Variants in AFF1 observed in about 807,000 individuals in gnomAD.
AFF1 encodes ALF transcription elongation factor 1, also known as AF4/FMR2 family member 1.
In AFF1, 48 loss-of-function variants were observed where a neutral mutation model predicts 121.7. The observed-to-expected ratio is 0.39, with a 90% CI of 0.31 to 0.50. The LOEUF (loss-of-function observed/expected upper bound fraction) is 0.50, where lower values mean the gene tolerates loss of function less well. Among genes scored for constraint, AFF1 ranks in the 20% least tolerant of loss-of-function variants. AFF1 has a pLI of 0.76. For synonymous variants in AFF1, 613 were observed against 563.0 expected (o/e 1.09, Z -1.26); for missense variants, 1,523 against 1,511.7 (o/e 1.01, Z -0.12).
intron 12 of AFF1, among the ~76,000 whole-genome samples, chr4:87,115,662 T>G (rs1411067177): frequency 2.3e-5 from 3 of 127,952 alleles, no homozygotes; most frequent in Non-Finnish European, 1.6e-5. Context: ...CAGGCTGGAG[T>G]GCAGTGGTGC....
chr4:86,996,228 C>T (rs1379223545), intron 2 of AFF1, among the ~76,000 whole-genome samples: 1 of 148,780 alleles, frequency 6.7e-6, no homozygotes, highest in East Asian at 2.0e-4. Flanking sequence ...GAGGTGTACC[C>T]AACAGCTCAT....
chr4:87,076,348 A>C (rs1722671054), intron 4 of AFF1, among the ~76,000 whole-genome samples: 1 of 152,194 alleles, frequency 6.6e-6, no homozygotes, highest in African/African-American at 2.4e-5. Context: ...AGTTAGCCTC[A>C]TTTGTGTTAG....
At chr4:86,979,791 C>T (rs868863568) in intron 2 of AFF1, among the ~76,000 whole-genome samples, 1 of 152,176 alleles carries the variant, frequency 6.6e-6, no homozygotes, top group Admixed American at 6.5e-5. Context: ...TGCTTACATA[C>T]ATAGCTGGTG....
chr4:87,069,876 T>C (rs1016920083), intron 4 of AFF1, among the ~76,000 whole-genome samples: 3 of 148,514 alleles, frequency 2.0e-5, no homozygotes, highest in Non-Finnish European at 3.0e-5. Flanking sequence ...TGGAGTATAG[T>C]GTGGGATCTC....
chr4:86,971,953 A>G (rs1722974053), intron 2 of AFF1, among the ~76,000 whole-genome samples: 1 of 152,010 alleles, frequency 6.6e-6, no homozygotes, highest in African/African-American at 2.4e-5. Flanking sequence ...CCTGGGCAAC[A>G]AAGTGAGACT....
At chr4:87,022,746 GTATA>G (rs767092160) in intron 2 of AFF1, among the ~76,000 whole-genome samples, 21 of 147,926 alleles carry the variant, frequency 1.4e-4, no homozygotes, top group South Asian at 2.1e-4. Context: ...CTGTGTGTGT[GTATA>G]TATATATAAT....
intron 12 of AFF1, among the ~76,000 whole-genome samples, chr4:87,120,572 T>C (rs1727585011): frequency 6.6e-6 from 1 of 152,230 alleles, no homozygotes; most frequent in Admixed American, 6.5e-5. Context: ...ACATGTGTTT[T>C]CTCCGTACAA....
At chr4:86,998,491 A>G (rs973167860) in intron 2 of AFF1, among the ~76,000 whole-genome samples, 1 of 152,222 alleles carries the variant, frequency 6.6e-6, no homozygotes, top group South Asian at 2.1e-4. Flanking sequence ...CCAGAAGAAA[A>G]TAACGTCATC....
At chr4:87,029,264 C>T (rs1728834330) in intron 2 of AFF1, among the ~76,000 whole-genome samples, 2 of 152,130 alleles carry the variant, frequency 1.3e-5, no homozygotes. Context: ...CAAGGTCTCC[C>T]TGAGTGCAGG....
At chr4:87,009,266 C>G (rs1726482204) in intron 2 of AFF1, among the ~76,000 whole-genome samples, 1 of 152,216 alleles carries the variant, frequency 6.6e-6, no homozygotes. Context: ...TGTTTCTTGC[C>G]TGAGGTCACA....
At position 87,118,885 on chromosome 4, in the gene AFF1, G is replaced by A. The variant is rs142316023; in HGVS notation, c.2466+3586G>A. 7.9e-5 allele frequency among the ~76,000 whole-genome samples: 12 copies of A among 152,300 alleles called. No homozygotes were observed. In the East Asian group the frequency reaches 1.7e-3, roughly 22 times the overall value. The stretch of plus-strand genomic sequence containing the variant: ...AAGTATGCTCCACAGGGTGGGAGCC[G>A]GCTGAAGCAAGAGGCTCAGGAACAC... On this transcript the variant is annotated intron_variant, in intron 12 of 20. Coordinates refer to ENST00000395146, the MANE Select transcript of AFF1 (RefSeq NM_001166693.3).
At chr4:87,081,096 A>G (rs975923532) in intron 4 of AFF1, among the ~76,000 whole-genome samples, 1 of 151,830 alleles carries the variant, frequency 6.6e-6, no homozygotes, top group African/African-American at 2.4e-5. Context: ...AATCTGGGTA[A>G]AAGGTATGTG....
At chr4:87,022,742 G>GTATA (rs1450870173) in intron 2 of AFF1, among the ~76,000 whole-genome samples, 1 of 149,332 alleles carries the variant, frequency 6.7e-6, no homozygotes, top group African/African-American at 2.5e-5. Context: ...ATATCTGTGT[G>GTATA]TGTGTATATA....
chr4:86,988,596 C>T (rs139353562), intron 2 of AFF1, among the ~76,000 whole-genome samples: 2,420 of 152,184 alleles, frequency 0.016, 31 homozygotes, highest in Middle Eastern at 0.031. Context: ...GAATCAGTAT[C>T]GTGAAAATGG....
intron 4 of AFF1, chr4:87,049,722 A>C (rs1375099447): frequency 6.6e-6 from 3 of 456,116 alleles, no homozygotes; most frequent in South Asian, 4.6e-5. Flanking sequence ...AGGCAGCGGC[A>C]GCTGTGGTAC....
intron 1 of AFF1, among the ~76,000 whole-genome samples, chr4:86,941,677 TAAAA>T (rs918557280): frequency 2.0e-5 from 3 of 149,766 alleles, no homozygotes; most frequent in Non-Finnish European, 4.4e-5. Flanking sequence ...AATAAATAAA[TAAAA>T]TAAAAAATAG....
At chr4:87,114,286 T>A in intron 11 of AFF1, 81 bp from the exon 12 acceptor site, 1 of 1,273,508 alleles carries the variant, frequency 7.9e-7, no homozygotes, top group Non-Finnish European at 1.1e-6. Flanking sequence ...AGGACAGTGT[T>A]GTATAATTGG....
chr4:86,946,007 T>G (rs1205527782), intron 1 of AFF1, among the ~76,000 whole-genome samples: 1 of 152,178 alleles, frequency 6.6e-6, no homozygotes, highest in Non-Finnish European at 1.5e-5. Flanking sequence ...ATTTAGATCT[T>G]GCTTAGATTA....
chr4:87,106,773 G>A (rs555190478), intron 10 of AFF1, among the ~76,000 whole-genome samples: 5 of 152,206 alleles, frequency 3.3e-5, no homozygotes, highest in Non-Finnish European at 4.4e-5. Context: ...CACTTGAGAT[G>A]TGCTCATCCA....
Sources: allele counts gnomAD v4.1 joint callset (sites outside exome capture counted in the v4.1 genomes callset), GRCh38; gene constraint gnomAD v4.1.1; transcripts MANE v1.5; gene names NCBI Gene and HGNC (gene_info 2026-07-23, HGNC 2026-07-21).